RUNDC3B: variants seen among roughly 807,000 people sequenced by gnomAD.
RUNDC3B encodes the protein RUN domain-containing protein 3B.
RUNDC3B carries 33 observed loss-of-function variants against 58.4 expected under a neutral mutation model. The ratio of observed to expected loss-of-function variants is 0.56; its 90% CI spans 0.43 to 0.75. The LOEUF (loss-of-function observed/expected upper bound fraction) is 0.75. Ranked by LOEUF, RUNDC3B falls within the 30% of genes least tolerant of loss-of-function variation. The pLI is 0.00. For synonymous variants in RUNDC3B, 193 were observed against 195.2 expected, an observed-to-expected ratio of 0.99 and a Z score of 0.10; for missense variants, 501 against 535.7, an observed-to-expected ratio of 0.94 and a Z score of 0.64.
intron 2 of RUNDC3B, among the ~76,000 whole-genome samples, chr7:87,677,240 A>G (rs1826457760): frequency 6.6e-6 from 1 of 151,700 alleles, no homozygotes; most frequent in South Asian, 2.1e-4. Flanking sequence ...GTAGCTGTCA[A>G]CAGAAGGATG....
intron 3 of RUNDC3B, 106 bp downstream of exon 3, chr7:87,700,660 A>G: frequency 9.5e-7 from 1 of 1,053,868 alleles, no homozygotes; most frequent in Non-Finnish European, 1.4e-6. Context: ...TTTCTTAAGA[A>G]GCATAATAAA....
chr7:87,779,503 G>A (rs573595308), intron 8 of RUNDC3B, among the ~76,000 whole-genome samples: 124 of 152,192 alleles, frequency 8.1e-4, no homozygotes, highest in African/African-American at 2.9e-3. Flanking sequence ...TAGTCTGTTG[G>A]ACCTTTATTA....
At chr7:87,792,068 A>G (rs532609621) in intron 8 of RUNDC3B, among the ~76,000 whole-genome samples, 4 of 152,262 alleles carry the variant, frequency 2.6e-5, no homozygotes, top group Middle Eastern at 3.4e-3. Flanking sequence ...AGGAGTAGCT[A>G]TACTTATATC....
chr7:87,687,196 C>T (rs1292347383), intron 2 of RUNDC3B, among the ~76,000 whole-genome samples: 1 of 152,092 alleles, frequency 6.6e-6, no homozygotes, highest in African/African-American at 2.4e-5. Flanking sequence ...TTTTCCCCCA[C>T]AACTTACTGT....
intron 2 of RUNDC3B, among the ~76,000 whole-genome samples, chr7:87,675,817 A>G (rs574726672): frequency 5.9e-5 from 9 of 152,172 alleles, no homozygotes; most frequent in Non-Finnish European, 1.2e-4. Context: ...AAAAGAAAAT[A>G]TAGGGGAAAA....
At chr7:87,705,208 T>C (rs1000183002) in intron 3 of RUNDC3B, among the ~76,000 whole-genome samples, 1 of 152,174 alleles carries the variant, frequency 6.6e-6, no homozygotes, top group South Asian at 2.1e-4. Flanking sequence ...GTGGATCACC[T>C]GAGGTCAGCA....
chr7:87,743,405 G>A (rs1584073521), intron 6 of RUNDC3B, among the ~76,000 whole-genome samples: 1 of 152,182 alleles, frequency 6.6e-6, no homozygotes, highest in Non-Finnish European at 1.5e-5. Context: ...GTTTTCCATA[G>A]TGGCTGTACT....
chr7:87,826,544 C>T (rs539195879), intron 10 of RUNDC3B, among the ~76,000 whole-genome samples: 1 of 151,708 alleles, frequency 6.6e-6, no homozygotes, highest in African/African-American at 2.4e-5. Context: ...AATGGGAAAA[C>T]AACCAAGAGA....
intron 2 of RUNDC3B, among the ~76,000 whole-genome samples, chr7:87,678,796 T>G (rs1350412549): frequency 1.3e-5 from 2 of 152,142 alleles, no homozygotes; most frequent in Non-Finnish European, 2.9e-5. Context: ...TATATCAAAG[T>G]AGATTTCAGA....
intron 8 of RUNDC3B, among the ~76,000 whole-genome samples, chr7:87,780,573 T>C (rs1020071143): frequency 5.9e-5 from 9 of 152,206 alleles, no homozygotes; most frequent in African/African-American, 2.2e-4. Flanking sequence ...CTGTTGATAG[T>C]TTCTTTTGCT....
chr7:87,753,391 C>T (rs1337076490), intron 6 of RUNDC3B, among the ~76,000 whole-genome samples: 2 of 151,542 alleles, frequency 1.3e-5, no homozygotes, highest in African/African-American at 4.8e-5. Context: ...CTATTAGGTC[C>T]ACTTGGTGCA....
intron 4 of RUNDC3B, among the ~76,000 whole-genome samples, chr7:87,717,820 A>G (rs1184194176): frequency 6.6e-6 from 1 of 152,166 alleles, no homozygotes; most frequent in East Asian, 1.9e-4. Flanking sequence ...ATTTCAAAAA[A>G]TTAAGGAAAA....
chr7:87,700,479 G>T lies in RUNDC3B; in HGVS notation c.297G>T (p.Val99=). ...SPRSFWDYIR[V]ACRKVSQNCI... ...GTAGCTTCTGGGACTATATCAGAGTGGCTTGCCGGAAAGTTTCACAGAATT... is the reference window on the plus strand; with the variant it reads ...GTAGCTTCTGGGACTATATCAGAGTTGCTTGCCGGAAAGTTTCACAGAATT... Residue 99 remains valine (V), a synonymous_variant, in exon 3 of 11, where the codon GTG becomes GTT. Coordinates refer to ENST00000394654, the MANE Select transcript of RUNDC3B (RefSeq NM_001134405.2). 1 of 1,613,198 alleles carries T rather than the reference G, an allele frequency of 6.2e-7. No individual in the cohort carries two copies. The highest frequency in any genetic ancestry group is 1.7e-5 in the Admixed American group (1 of 59,970).
At chr7:87,669,874 G>A (rs1409339162) in intron 2 of RUNDC3B, among the ~76,000 whole-genome samples, 1 of 152,100 alleles carries the variant, frequency 6.6e-6, no homozygotes, top group Non-Finnish European at 1.5e-5. Flanking sequence ...TGTAGGTCAT[G>A]TGCCCTTTCT....
intron 8 of RUNDC3B, among the ~76,000 whole-genome samples, chr7:87,792,949 C>T (rs1465769444): frequency 6.6e-6 from 1 of 151,694 alleles, no homozygotes; most frequent in Non-Finnish European, 1.5e-5. Flanking sequence ...CAAACCCTTG[C>T]CGGACTAATG....
At chr7:87,723,076 A>T (rs1317297493) in intron 4 of RUNDC3B, among the ~76,000 whole-genome samples, 1 of 152,224 alleles carries the variant, frequency 6.6e-6, no homozygotes, top group African/African-American at 2.4e-5. Flanking sequence ...TAAAAGATTG[A>T]AACAAATGAA....
At chr7:87,678,706 T>A (rs2130572914) in intron 2 of RUNDC3B, among the ~76,000 whole-genome samples, 1 of 152,114 alleles carries the variant, frequency 6.6e-6, no homozygotes. Context: ...TTAATTATAG[T>A]GATAAAGATA....
intron 6 of RUNDC3B, among the ~76,000 whole-genome samples, chr7:87,754,140 C>A (rs1316549997): frequency 6.6e-6 from 1 of 152,142 alleles, no homozygotes; most frequent in Non-Finnish European, 1.5e-5. Flanking sequence ...AATATACATT[C>A]TTCTCATCGC....
At chr7:87,670,932 G>A (rs1414803718) in intron 2 of RUNDC3B, among the ~76,000 whole-genome samples, 2 of 152,156 alleles carry the variant, frequency 1.3e-5, no homozygotes, top group African/African-American at 4.8e-5. Context: ...ATTGTGATTT[G>A]GTACTTCTGG....
Sources: gnomAD v4.1 joint callset for allele counts (sites outside exome capture counted in the v4.1 genomes callset) on GRCh38, gnomAD v4.1.1 for gene constraint, MANE v1.5 for transcripts, NCBI Gene and HGNC (gene_info 2026-07-23, HGNC 2026-07-21) for gene names.